The following CLYBL variants were observed in gnomAD, a reference collection of about 807,000 sequenced individuals.
The protein encoded by CLYBL is citramalyl-CoA lyase, also known as citramalyl-CoA lyase, mitochondrial.
CLYBL carries 31 observed loss-of-function variants against 38.9 expected under a neutral mutation model. The observed-to-expected ratio is 0.80, with a 90% confidence interval of 0.60 to 1.08. The LOEUF is 1.08. Among genes scored for constraint, CLYBL ranks in the 50% least tolerant of loss-of-function variants. The pLI is 0.00. For missense variants in CLYBL, 434 were observed against 411.6 expected, an observed-to-expected ratio of 1.05 and a Z score of -0.47; for synonymous variants, 171 against 158.6, an observed-to-expected ratio of 1.08 and a Z score of -0.59.
intron 1 of CLYBL, among the ~76,000 whole-genome samples, chr13:99,757,722 G>A (rs186740773): frequency 1.4e-4 from 21 of 152,340 alleles, no homozygotes; most frequent in Middle Eastern, 6.8e-3. Flanking sequence ...GCCTCCCAAA[G>A]TGTTGGGATT....
At chr13:99,642,688 G>T (rs1354679891) in intron 1 of CLYBL, among the ~76,000 whole-genome samples, 2 of 152,046 alleles carry the variant, frequency 1.3e-5, no homozygotes, top group African/African-American at 2.4e-5. Context: ...CAAGTGCTGG[G>T]GTTACAGGCA....
chr13:99,666,911 C>T (rs1025832738), intron 1 of CLYBL, among the ~76,000 whole-genome samples: 14 of 152,130 alleles, frequency 9.2e-5, no homozygotes, highest in Admixed American at 7.2e-4. Context: ...CTGGGGATCA[C>T]GTGATGCTGC....
intron 1 of CLYBL, among the ~76,000 whole-genome samples, chr13:99,680,585 T>A (rs576823824): frequency 6.6e-6 from 1 of 152,196 alleles, no homozygotes; most frequent in Non-Finnish European, 1.5e-5. Flanking sequence ...TTGTCATCAC[T>A]AGTCGAAAAG....
chr13:99,645,766 TC>T (rs749957217), intron 1 of CLYBL, among the ~76,000 whole-genome samples: 47 of 152,272 alleles, frequency 3.1e-4, no homozygotes, highest in Non-Finnish European at 5.1e-4. Context: ...CAAATATTTT[TC>T]CCCATTCTGT....
intron 1 of CLYBL, chr13:99,727,191 A>G (rs964053801): frequency 9.2e-5 from 14 of 152,066 alleles, no homozygotes; most frequent in Admixed American, 8.5e-4. Flanking sequence ...TCTGTGCACA[A>G]TACCTCAAAG....
chr13:99,772,199 A>G (rs9585215), intron 1 of CLYBL, among the ~76,000 whole-genome samples: 247 of 152,086 alleles, frequency 1.6e-3, no homozygotes, highest in African/African-American at 5.6e-3. Flanking sequence ...CTTTTTCTCC[A>G]TAGATGCTAT....
chr13:99,824,258 C>CCG (rs1555313212), intron 2 of CLYBL, among the ~76,000 whole-genome samples: 3 of 32,218 alleles, frequency 9.3e-5, no homozygotes, highest in South Asian at 9.8e-4. Context: ...TGACTAATAG[C>CCG]CCCCCCCACC....
At chr13:99,610,441 G>C (rs2046608941) in intron 1 of CLYBL, among the ~76,000 whole-genome samples, 1 of 152,012 alleles carries the variant, frequency 6.6e-6, no homozygotes, top group African/African-American at 2.4e-5. Context: ...CTTTTGCCAG[G>C]GTTTATTGTT....
intron 1 of CLYBL, among the ~76,000 whole-genome samples, chr13:99,688,255 C>G (rs1162005902): frequency 6.6e-6 from 1 of 151,996 alleles, no homozygotes; most frequent in Non-Finnish European, 1.5e-5. Flanking sequence ...ATCTGTGTAA[C>G]AGACTCGCTG....
In CLYBL at chr13:99,762,331, C is replaced by T. The variant is rs999903651; in HGVS notation, c.63-10493C>T. 2.0e-5 allele frequency among the ~76,000 whole-genome samples: 3 copies of T among 152,028 alleles called. No individual in the cohort carries two copies. In the South Asian group the frequency reaches 6.2e-4, roughly 31 times the overall value. On this transcript the variant is annotated intron_variant, in intron 1 of 8. Coordinates refer to ENST00000339105, the MANE Select transcript of CLYBL (RefSeq NM_206808.5). ...GATTTAAGTCTTTGATCCATTTTTA[C>T]TTGATTTTTGTGTATGGTGAGAGAT...
chr13:99,749,848 C>CAA (rs373704722), intron 1 of CLYBL, among the ~76,000 whole-genome samples: 3 of 149,558 alleles, frequency 2.0e-5, no homozygotes, highest in Non-Finnish European at 4.5e-5. Flanking sequence ...CCATAGTAAC[C>CAA]AAAAAAAAAT....
intron 1 of CLYBL, among the ~76,000 whole-genome samples, chr13:99,740,449 T>C (rs375763737): frequency 6.6e-6 from 1 of 152,218 alleles, no homozygotes; most frequent in African/African-American, 2.4e-5. Context: ...CTTAAGAAAA[T>C]TGCCATCTGA....
At chr13:99,847,791 C>T (rs2051241295) in intron 2 of CLYBL, among the ~76,000 whole-genome samples, 1 of 152,190 alleles carries the variant, frequency 6.6e-6, no homozygotes, top group Non-Finnish European at 1.5e-5. Context: ...ATGGATCCTC[C>T]CGAAGGCAGG....
intron 2 of CLYBL, among the ~76,000 whole-genome samples, chr13:99,825,171 A>G (rs2050670915): frequency 6.6e-6 from 1 of 152,168 alleles, no homozygotes; most frequent in Non-Finnish European, 1.5e-5. Flanking sequence ...TGAGCTGCCC[A>G]CTTAACAAGC....
chr13:99,682,635 C>T (rs1027047319), intron 1 of CLYBL, among the ~76,000 whole-genome samples: 4 of 152,028 alleles, frequency 2.6e-5, no homozygotes, highest in African/African-American at 9.7e-5. Context: ...ATTACTGTCA[C>T]TACTGTAGAC....
rs369981389 is a variant in CLYBL at position 99,631,797 on chromosome 13, C to G, written c.62+25040C>G. Among the ~76,000 whole-genome samples, 32 of 152,250 alleles carry G rather than the reference C, an allele frequency of 2.1e-4. No individual in the cohort carries two copies. The South Asian group carries it at 6.0e-3, about 29-fold the overall frequency. ...TATTTTTAGTAGAGACGGGGTTTCA[C>G]CATGTTGACCAGCCAGGATGATCTC... On this transcript the variant is annotated intron_variant, in intron 1 of 8. Transcript: ENST00000339105.
At chr13:99,787,387 G>A (rs1336521514) in intron 2 of CLYBL, among the ~76,000 whole-genome samples, 1 of 152,132 alleles carries the variant, frequency 6.6e-6, no homozygotes, top group African/African-American at 2.4e-5. Flanking sequence ...TAAGGTATAA[G>A]GAAGGGATCC....
chr13:99,825,205 C>A (rs1488256682), intron 2 of CLYBL, among the ~76,000 whole-genome samples: 1 of 152,158 alleles, frequency 6.6e-6, no homozygotes, highest in Non-Finnish European at 1.5e-5. Context: ...GGAGTCTGGG[C>A]AGCCCAAGGT....
chr13:99,845,000 G>A (rs2051166544), intron 2 of CLYBL, among the ~76,000 whole-genome samples: 2 of 152,146 alleles, frequency 1.3e-5, no homozygotes, highest in South Asian at 2.1e-4. Context: ...GGAAAACAGC[G>A]TTGTGATATG....
Sources: allele counts gnomAD v4.1 joint callset (sites outside exome capture counted in the v4.1 genomes callset), GRCh38; gene constraint gnomAD v4.1.1; transcripts MANE v1.5; gene names NCBI Gene and HGNC (gene_info 2026-07-23, HGNC 2026-07-21).